Variants in AGFG1 observed in about 807,000 individuals in gnomAD.
AGFG1 encodes ArfGAP with FG repeats 1.
AGFG1 carries 10 observed loss-of-function variants against 60.6 expected under a neutral mutation model. That is an observed-to-expected ratio of 0.16 (90% confidence interval 0.10 to 0.28). The LOEUF (loss-of-function observed/expected upper bound fraction) is 0.28. Among genes scored for constraint, AGFG1 ranks in the 10% least tolerant of loss-of-function variants. The probability of loss-of-function intolerance (pLI) is 1.00; values close to 1 mark genes in which losing one functional copy is unlikely to be tolerated. For missense variants in AGFG1, 537 were observed against 676.5 expected, an observed-to-expected ratio of 0.79 and a Z score of 2.29; for synonymous variants, 247 against 242.9, an observed-to-expected ratio of 1.02 and a Z score of -0.16.
intron 1 of AGFG1, among the ~76,000 whole-genome samples, chr2:227,487,311 A>G (rs1690671609): frequency 6.6e-6 from 1 of 152,104 alleles, no homozygotes; most frequent in African/African-American, 2.4e-5. Context: ...ATAGAAAATT[A>G]TGAATAGAAA....
chr2:227,523,699 TATC>T (rs1691891292), intron 3 of AGFG1, 61 bp from the exon 4 acceptor site: 13 of 1,470,026 alleles, frequency 8.8e-6, no homozygotes, highest in Non-Finnish European at 1.2e-5. Flanking sequence ...GAATTAAGCT[TATC>T]ATTTTTTGAT....
chr2:227,533,115 C>G (rs1421460218), intron 6 of AGFG1, among the ~76,000 whole-genome samples: 1 of 152,166 alleles, frequency 6.6e-6, no homozygotes, highest in Non-Finnish European at 1.5e-5. Context: ...TTGTTAATCG[C>G]TACCCCTGGG....
rs771085675 is a variant in AGFG1 at position 227,524,910 on chromosome 2, A to G, written c.689A>G (p.His230Arg). The G allele has an allele frequency of 6.2e-7, 1 of 1,614,104 alleles. No individual in the cohort carries two copies. Among genetic ancestry groups the G allele is most frequent in the East Asian group, 2.2e-5 (1 of 44,882 alleles). The part of the protein sequence containing the change: ...NFANFAHFNS[H>R]AAQNSANADF... ...GCTAACTTTGCACATTTCAACAGTC[A>G]TGCAGGTAAGTGTTTTTTCCCAACA... The change falls in exon 5 of 13, where the codon CAT becomes CGT. Residue 230 changes from histidine (H) to arginine (R), a missense_variant. Physicochemically the swap from His to Arg is conservative, Grantham distance 29. Transcript: ENST00000310078.
At chr2:227,522,774 A>G (rs1011871616) in intron 3 of AGFG1, among the ~76,000 whole-genome samples, 3 of 152,224 alleles carry the variant, frequency 2.0e-5, no homozygotes, top group East Asian at 1.9e-4. Context: ...TACAAAGAGC[A>G]AAAGCTCTCA....
chr2:227,544,533 G>A (rs930303473), intron 10 of AGFG1, among the ~76,000 whole-genome samples: 2 of 152,250 alleles, frequency 1.3e-5, no homozygotes, highest in Middle Eastern at 3.4e-3. Context: ...CTCATTAGTT[G>A]ATGCAGTTTC....
chr2:227,522,778 G>A (rs1691861675), intron 3 of AGFG1, among the ~76,000 whole-genome samples: 1 of 152,164 alleles, frequency 6.6e-6, no homozygotes, highest in Admixed American at 6.5e-5. Flanking sequence ...AAGAGCAAAA[G>A]CTCTCACATA....
Position 227,502,318 on chromosome 2 carries a change from G to GT in AGFG1, c.261+10684dup, listed in dbSNP as rs376546827. On this transcript the variant is annotated intron_variant, in intron 2 of 12. Transcript: ENST00000310078. ...ATTTTCTCCCAGTCTGTGGTTTTTT[G>GT]TTTTTTGTTTTTAATTTTTTGAGAC... is the stretch of plus-strand genomic sequence containing the variant. 6.7e-3 allele frequency among the ~76,000 whole-genome samples: 1,019 copies of GT among 151,870 alleles called. 13 individuals carry two copies. The highest frequency in any genetic ancestry group is 0.023 in the African/African-American group (961 of 41,410).
intron 6 of AGFG1, chr2:227,532,327 C>A (rs930712729): frequency 9.1e-6 from 6 of 655,772 alleles, no homozygotes; most frequent in African/African-American, 5.7e-5. Flanking sequence ...TCATAAAAAT[C>A]TCTTCCAACT....
At chr2:227,525,896 A>G (rs1008004506) in intron 5 of AGFG1, among the ~76,000 whole-genome samples, 1 of 152,184 alleles carries the variant, frequency 6.6e-6, no homozygotes, top group African/African-American at 2.4e-5. Flanking sequence ...CATAAAAATA[A>G]TGATGTTCTG....
At position 227,472,300 on chromosome 2, in the gene AGFG1, CGGGCGGCGCGCGCAGACGGA is replaced by C. The variant is rs1042675087; in HGVS notation, c.-113_-94del. The C allele has an allele frequency of 1.7e-6, 1 of 574,296 alleles. No homozygotes were observed. Among genetic ancestry groups the C allele is most frequent in the Non-Finnish European group, 2.2e-6 (1 of 456,028 alleles). The allele number at this position is 574,296 out of a possible 1,614,324, so 35.6% of individuals were successfully genotyped here. On this transcript the variant is annotated 5_prime_UTR_variant, in exon 1 of 13. Transcript: ENST00000310078. ...CAAGCCGCTGCGGCCGGGTCCGGCG[CGGGCGGCGCGCGCAGACGGA>C]GGGCGGCGGCCGCGGCCAGGGCGGC...
chr2:227,513,783 G>A (rs986536742), intron 2 of AGFG1, among the ~76,000 whole-genome samples: 3 of 152,160 alleles, frequency 2.0e-5, no homozygotes, highest in African/African-American at 7.2e-5. Flanking sequence ...GAGTGGATTA[G>A]GACTAAGGGA....
At chr2:227,490,858 C>T (rs1414163725) in intron 1 of AGFG1, among the ~76,000 whole-genome samples, 1 of 152,196 alleles carries the variant, frequency 6.6e-6, no homozygotes, top group African/African-American at 2.4e-5. Context: ...GCCATCCATA[C>T]AGAAAAGGCT....
rs199729344 is a variant in AGFG1 at position 227,536,928 on chromosome 2, C to G, written c.1313C>G (p.Ala438Gly). The change falls in exon 10 of 13, where the codon GCT becomes GGT. Residue 438 changes from alanine (A) to glycine (G), a missense_variant. Transcript: ENST00000310078. Reference protein sequence around the residue: ...GATPSTNPFVAAAGPSVASST... With the variant: ...GATPSTNPFVGAAGPSVASST... Reference sequence around the variant, plus strand: ...ACGCCTTCCACAAATCCATTTGTTGCTGCTGCTGGTCCTTCTGTGGCATCT... The same window carrying G: ...ACGCCTTCCACAAATCCATTTGTTGGTGCTGCTGGTCCTTCTGTGGCATCT... The G allele has an allele frequency of 9.9e-6, 16 of 1,612,438 alleles. No homozygotes were observed. The East Asian group carries it at 3.6e-4, about 36-fold the overall frequency.
chr2:227,477,961 A>G (rs1265295292), intron 1 of AGFG1, among the ~76,000 whole-genome samples: 1 of 152,046 alleles, frequency 6.6e-6, no homozygotes, highest in Non-Finnish European at 1.5e-5. Context: ...TGGCTGTGTC[A>G]TGCTTTTTAT....
intron 1 of AGFG1, among the ~76,000 whole-genome samples, chr2:227,473,708 T>G (rs545467966): frequency 1.4e-4 from 22 of 152,354 alleles, no homozygotes; most frequent in African/African-American, 5.3e-4. Flanking sequence ...CCTTTGCTTG[T>G]AAGATTAATA....
chr2:227,548,952 A>G (rs1221971578), intron 10 of AGFG1, among the ~76,000 whole-genome samples: 1 of 152,116 alleles, frequency 6.6e-6, no homozygotes, highest in African/African-American at 2.4e-5. Context: ...GAAAAAAAAG[A>G]AAGTAGATAA....
rs1248239031 is a variant in AGFG1, at chr2:227,555,368, GT to G, written c.*874del. On this transcript the variant is annotated 3_prime_UTR_variant, in exon 13 of 13. Coordinates refer to ENST00000310078, the MANE Select transcript of AGFG1 (RefSeq NM_004504.5). ...AATTTCTTTGCAGCTTATTAATTTT[GT>G]GAAATTTGTATATATGAAGAATTTG... is the stretch of plus-strand genomic sequence containing the variant. The G allele has an allele frequency of 6.6e-6, 1 of 152,416 alleles. No individual in the cohort carries two copies. Among genetic ancestry groups the G allele is most frequent in the Non-Finnish European group, 1.5e-5 (1 of 67,986 alleles). The allele number at this position is 152,416 out of a possible 1,614,324, so 9.4% of individuals were successfully genotyped here. A position where few individuals can be genotyped will look rare whatever the true frequency, so the allele number is the denominator to read the frequency against.
chr2:227,552,340 G>A (rs1354279423), intron 11 of AGFG1, among the ~76,000 whole-genome samples: 1 of 152,184 alleles, frequency 6.6e-6, no homozygotes, highest in Non-Finnish European at 1.5e-5. Context: ...CAGTGACTAT[G>A]TAAAGAGCAT....
intron 10 of AGFG1, among the ~76,000 whole-genome samples, chr2:227,539,255 C>T (rs1426587851): frequency 6.6e-6 from 1 of 152,004 alleles, no homozygotes; most frequent in Non-Finnish European, 1.5e-5. Flanking sequence ...CCAGCCTGGC[C>T]AACATGGTAA....
Sources: gnomAD v4.1 joint callset for allele counts (sites outside exome capture counted in the v4.1 genomes callset) on GRCh38, gnomAD v4.1.1 for gene constraint, MANE v1.5 for transcripts, NCBI Gene and HGNC (gene_info 2026-07-23, HGNC 2026-07-21) for gene names.